Variants in SLC44A1 observed in about 807,000 individuals in gnomAD.
The protein encoded by SLC44A1 is choline transporter-like protein 1.
In SLC44A1, 26 loss-of-function variants were observed where a neutral mutation model predicts 79.3. That is an observed-to-expected ratio of 0.33 (90% confidence interval 0.24 to 0.46). SLC44A1 has a LOEUF of 0.46. SLC44A1 is among the 20% of genes least tolerant of loss of function. The pLI, the probability that SLC44A1 is intolerant of heterozygous loss-of-function variation, is 1.00. For synonymous variants in SLC44A1, 263 were observed against 286.2 expected, an observed-to-expected ratio of 0.92 and a Z score of 0.82; for missense variants, 688 against 798.1, an observed-to-expected ratio of 0.86 and a Z score of 1.66.
chr9:105,382,902 A>G (rs1017560585), intron 13 of SLC44A1, among the ~76,000 whole-genome samples: 17 of 152,244 alleles, frequency 1.1e-4, no homozygotes, highest in Non-Finnish European at 5.9e-5. Context: ...TGTTTAAACC[A>G]GAATCATTTA....
chr9:105,307,499 C>T (rs909177774), intron 2 of SLC44A1, among the ~76,000 whole-genome samples: 1 of 152,102 alleles, frequency 6.6e-6, no homozygotes, highest in Non-Finnish European at 1.5e-5. Context: ...CAAAAATTAG[C>T]TGCATGTGGT....
intron 1 of SLC44A1, among the ~76,000 whole-genome samples, chr9:105,248,010 C>T (rs1315420908): frequency 6.6e-6 from 1 of 152,162 alleles, no homozygotes; most frequent in African/African-American, 2.4e-5. Context: ...CTCCTGATGA[C>T]CTGCTTAATG....
intron 14 of SLC44A1, among the ~76,000 whole-genome samples, chr9:105,384,432 C>T (rs1483235799): frequency 1.3e-5 from 2 of 152,074 alleles, no homozygotes; most frequent in African/African-American, 2.4e-5. Flanking sequence ...CTGCCTGCCT[C>T]GGCCTTCCAA....
intron 3 of SLC44A1, among the ~76,000 whole-genome samples, chr9:105,315,608 G>A (rs1255903246): frequency 6.6e-6 from 1 of 152,068 alleles, no homozygotes; most frequent in Non-Finnish European, 1.5e-5. Context: ...AACTTTCTGG[G>A]CCTATACTAT....
intron 4 of SLC44A1, 97 bp from the exon 5 acceptor site, chr9:105,348,261 G>A (rs1013750958): frequency 1.5e-6 from 1 of 653,258 alleles, no homozygotes. Flanking sequence ...TATAATGTTT[G>A]GAAAGTTGCA....
At chr9:105,268,146 G>A (rs1328058794) in intron 1 of SLC44A1, among the ~76,000 whole-genome samples, 1 of 152,130 alleles carries the variant, frequency 6.6e-6, no homozygotes, top group Non-Finnish European at 1.5e-5. Flanking sequence ...TTGTCCAACT[G>A]CACAGAAGAT....
intron 1 of SLC44A1, among the ~76,000 whole-genome samples, chr9:105,257,696 G>T (rs975502089): frequency 6.6e-5 from 10 of 152,204 alleles, no homozygotes; most frequent in Non-Finnish European, 1.2e-4. Context: ...AAAAGATCTG[G>T]TCTGGAAGAA....
chr9:105,363,267 A>T (rs939334337), intron 9 of SLC44A1, among the ~76,000 whole-genome samples: 1 of 151,800 alleles, frequency 6.6e-6, no homozygotes, highest in Non-Finnish European at 1.5e-5. Context: ...GGTTCAAGTG[A>T]TTCTTCTGCC....
intron 15 of SLC44A1, among the ~76,000 whole-genome samples, chr9:105,436,121 C>G (rs1829460884): frequency 6.6e-6 from 1 of 152,198 alleles, no homozygotes; most frequent in Admixed American, 6.5e-5. Flanking sequence ...TCGCTGGAAC[C>G]CAGGCGGCAG....
At chr9:105,366,493 C>T in intron 12 of SLC44A1, 64 bp downstream of exon 12, 1 of 707,738 alleles carries the variant, frequency 1.4e-6, no homozygotes, top group Non-Finnish European at 2.2e-6. Context: ...TTTCTTCTCC[C>T]AAGATAAACT....
chr9:105,341,879 T>C (rs1827102608), intron 4 of SLC44A1, among the ~76,000 whole-genome samples: 1 of 152,236 alleles, frequency 6.6e-6, no homozygotes, highest in Non-Finnish European at 1.5e-5. Context: ...TTCATTTATC[T>C]CCCTTATACA....
At chr9:105,361,074 A>T (rs889076388) in intron 7 of SLC44A1, 117 bp from the exon 8 acceptor site, 78 of 1,002,338 alleles carry the variant, frequency 7.8e-5, no homozygotes, top group Non-Finnish European at 1.1e-4. Flanking sequence ...AGCCAAATGG[A>T]TTGTCACTGC....
intron 3 of SLC44A1, among the ~76,000 whole-genome samples, chr9:105,321,798 G>A (rs1320802502): frequency 6.7e-6 from 1 of 148,472 alleles, no homozygotes; most frequent in Admixed American, 6.7e-5. Flanking sequence ...AATACAGAGA[G>A]TTATAGTATT....
At chr9:105,398,077 T>G (rs939160328), downstream of SLC44A1, among the ~76,000 whole-genome samples, 1 of 152,232 alleles carries the variant, frequency 6.6e-6, no homozygotes, top group Non-Finnish European at 1.5e-5. Context: ...ATGAGTTTAG[T>G]GCGTTTGTGA....
chr9:105,405,959 C>T (rs1022480031), intron 15 of SLC44A1, among the ~76,000 whole-genome samples: 14 of 152,226 alleles, frequency 9.2e-5, no homozygotes, highest in African/African-American at 3.4e-4. Flanking sequence ...CACACACATG[C>T]CCAGGGCTTG....
At chr9:105,300,387 C>T (rs1463566331) in intron 2 of SLC44A1, among the ~76,000 whole-genome samples, 4 of 152,132 alleles carry the variant, frequency 2.6e-5, no homozygotes, top group Non-Finnish European at 5.9e-5. Flanking sequence ...ATTTTTAACC[C>T]CCTTCTTACT....
intron 1 of SLC44A1, among the ~76,000 whole-genome samples, chr9:105,298,481 T>C (rs1250842465): frequency 6.6e-6 from 1 of 152,108 alleles, no homozygotes; most frequent in Non-Finnish European, 1.5e-5. Flanking sequence ...GCCTCCCGAG[T>C]AGCTGGAATT....
At chr9:105,399,754 G>A (rs1828932553), downstream of SLC44A1, among the ~76,000 whole-genome samples, 1 of 143,634 alleles carries the variant, frequency 7.0e-6, no homozygotes, top group Non-Finnish European at 1.5e-5. Flanking sequence ...AGTGAAGAAA[G>A]CAGGGGCTCA....
intron 3 of SLC44A1, among the ~76,000 whole-genome samples, chr9:105,323,375 T>C (rs183568959): frequency 6.6e-6 from 1 of 152,300 alleles, no homozygotes. Flanking sequence ...GGGATGTATC[T>C]GTACGAGTAG....
Sources: gnomAD v4.1 joint callset for allele counts (sites outside exome capture counted in the v4.1 genomes callset) on GRCh38, gnomAD v4.1.1 for gene constraint, MANE v1.5 for transcripts, NCBI Gene and HGNC (gene_info 2026-07-23, HGNC 2026-07-21) for gene names.